The following BFSP2 variants were observed in gnomAD, a reference collection of about 807,000 sequenced individuals.
BFSP2 encodes beaded filament structural protein 2.
In BFSP2, 38 loss-of-function variants were observed where a neutral mutation model predicts 44.9. That is an observed-to-expected ratio of 0.85 (90% CI 0.65 to 1.11). The LOEUF is 1.11. Among genes scored for constraint, BFSP2 ranks in the 50% least tolerant of loss-of-function variants. The pLI is 0.00. For synonymous variants in BFSP2, 197 were observed against 209.9 expected (o/e 0.94, Z 0.53); for missense variants, 525 against 533.0 (o/e 0.99, Z 0.15).
intron 1 of BFSP2, among the ~76,000 whole-genome samples, chr3:133,446,368 C>A (rs535718161): frequency 1.3e-5 from 2 of 151,590 alleles, no homozygotes; most frequent in African/African-American, 4.8e-5. Flanking sequence ...TTGCAGTGAG[C>A]AGATATTGTG....
chr3:133,427,572 G>T (rs2073665744), intron 1 of BFSP2, among the ~76,000 whole-genome samples: 1 of 152,180 alleles, frequency 6.6e-6, no homozygotes, highest in Middle Eastern at 3.2e-3. Flanking sequence ...CCACCTCCCT[G>T]CTCCTCAGCC....
rs185863253 is a variant in BFSP2, at chr3:133,440,104, G to T, written c.490-7213G>T. ...GGCAGAAGGCAAAGGAGGAGCAAAG[G>T]CACATCTTACATGGTGGCAGGCAAG... On this transcript the variant is annotated intron_variant, in intron 1 of 6. Coordinates refer to ENST00000302334, the MANE Select transcript of BFSP2 (RefSeq NM_003571.4). Among the ~76,000 whole-genome samples, 39 of 152,292 alleles carry T rather than the reference G, an allele frequency of 2.6e-4. 1 individual carries two copies. Among genetic ancestry groups the T allele is most frequent in the East Asian group, 2.5e-3 (13 of 5,190 alleles).
At chr3:133,459,837 G>C (rs1011485987) in intron 4 of BFSP2, among the ~76,000 whole-genome samples, 1 of 152,214 alleles carries the variant, frequency 6.6e-6, no homozygotes, top group African/African-American at 2.4e-5. Flanking sequence ...AATAACGATA[G>C]CTGATCCTCT....
intron 1 of BFSP2, among the ~76,000 whole-genome samples, chr3:133,424,212 A>ATTTTTTTTT (rs112772093): frequency 6.2e-5 from 4 of 64,772 alleles, no homozygotes; most frequent in East Asian, 1.1e-3. Context: ...CGTCCAGCTA[A>ATTTTTTTTT]TTTTTTTTTT....
chr3:133,474,756 T>C (rs2074199182), intron 6 of BFSP2, among the ~76,000 whole-genome samples: 1 of 152,202 alleles, frequency 6.6e-6, no homozygotes, highest in Non-Finnish European at 1.5e-5. Flanking sequence ...ATGATCCGTG[T>C]TTTAGAGACA....
chr3:133,444,808 G>C (rs1258659613), intron 1 of BFSP2, among the ~76,000 whole-genome samples: 1 of 151,766 alleles, frequency 6.6e-6, no homozygotes, highest in Non-Finnish European at 1.5e-5. Flanking sequence ...TAATAAAATG[G>C]GCTCCCTGGA....
chr3:133,433,469 A>G lies in BFSP2; in HGVS notation c.490-13848A>G, dbSNP rs142944947. Among the ~76,000 whole-genome samples the G allele has an allele frequency of 7.1e-3, 1,083 of 152,132 alleles. 15 individuals are homozygous for G. Among genetic ancestry groups the G allele is most frequent in the East Asian group, 0.065 (335 of 5,166 alleles). ...TTCAGGCCCCCTCCCTTTCCTACAC[A>G]TCAAGCTCGAGGATTTGCCCCCACC... On this transcript the variant is annotated intron_variant, in intron 1 of 6. Coordinates refer to ENST00000302334, the MANE Select transcript of BFSP2 (RefSeq NM_003571.4).
At position 133,475,004 on chromosome 3, in the gene BFSP2, C is replaced by T. The variant is rs753154417; in HGVS notation, c.*32C>T. 3 of 1,613,436 alleles carry T rather than the reference C, an allele frequency of 1.9e-6. No individual in the cohort carries two copies. The highest frequency in any genetic ancestry group is 2.5e-6 in the Non-Finnish European group (3 of 1,179,476). ...AACTTCCTCTTTTTCATGAAGAAAA[C>T]ACCCTTCCTCAACAGCTGACCCAAG... On this transcript the variant is annotated 3_prime_UTR_variant, in exon 7 of 7. Transcript: ENST00000302334.
intron 1 of BFSP2, among the ~76,000 whole-genome samples, chr3:133,432,834 G>T (rs140440595): frequency 6.6e-6 from 1 of 152,056 alleles, no homozygotes; most frequent in Admixed American, 6.5e-5. Context: ...TGGTTAGCGC[G>T]GTCAGAATTC....
chr3:133,440,213 G>A (rs2073831656), intron 1 of BFSP2, among the ~76,000 whole-genome samples: 1 of 62,602 alleles, frequency 1.6e-5, no homozygotes, highest in Non-Finnish European at 3.5e-5. Context: ...AATAGCACGG[G>A]AAAACCTACC....
intron 4 of BFSP2, among the ~76,000 whole-genome samples, chr3:133,463,166 G>A (rs1342910368): frequency 2.0e-5 from 3 of 151,982 alleles, no homozygotes; most frequent in East Asian, 1.9e-4. Flanking sequence ...AAAATTAGCC[G>A]GGCATGGTGG....
chr3:133,436,916 C>G (rs1480942323), intron 1 of BFSP2, among the ~76,000 whole-genome samples: 1 of 148,594 alleles, frequency 6.7e-6, no homozygotes, highest in African/African-American at 2.5e-5. Context: ...TCATCCATGT[C>G]CCTACAAAGG....
At chr3:133,437,956 C>T (rs1234858883) in intron 1 of BFSP2, among the ~76,000 whole-genome samples, 2 of 152,208 alleles carry the variant, frequency 1.3e-5, no homozygotes, top group Non-Finnish European at 2.9e-5. Context: ...AGCAGAGTAG[C>T]ATAGTAATTA....
chr3:133,472,504 A>C lies in BFSP2; in HGVS notation c.1183A>C (p.Lys395Gln), dbSNP rs557279383. ...GGAGCGCGCGCATCTGCTGGCCCGC[A>C]AGTGCCAGCTGCAGAAGGACGTGGC... Reference protein sequence around the residue: ...QQERAHLLARKCQLQKDVASY... With the variant: ...QQERAHLLARQCQLQKDVASY... Residue 395 changes from lysine to glutamine, a missense_variant, in exon 6 of 7, where the codon AAG (lysine) becomes CAG (glutamine). Transcript: ENST00000302334. The C allele has an allele frequency of 1.2e-6, 2 of 1,613,136 alleles. No homozygotes were observed. Among genetic ancestry groups the C allele is most frequent in the South Asian group, 2.2e-5 (2 of 91,032 alleles).
chr3:133,405,774 A>G lies in BFSP2; in HGVS notation c.489+5202A>G, dbSNP rs1467036139. ...TGTCAGCCAAGCTATAAGGGACACTACAGTATGGTTAGAAATGTAGCTACC... is the reference window on the plus strand; with the variant it reads ...TGTCAGCCAAGCTATAAGGGACACTGCAGTATGGTTAGAAATGTAGCTACC... On this transcript the variant is annotated intron_variant, in intron 1 of 6. Transcript: ENST00000302334. Among the ~76,000 whole-genome samples the G allele has an allele frequency of 2.0e-5, 3 of 152,194 alleles. No homozygotes were observed. In the East Asian group the frequency reaches 5.8e-4, roughly 29 times the overall value.
Position 133,475,158 on chromosome 3 carries a change from G to C in BFSP2, c.*186G>C. 1 of 789,914 alleles carries C rather than the reference G, an allele frequency of 1.3e-6. No homozygotes were observed. Among genetic ancestry groups the C allele is most frequent in the South Asian group, 1.6e-5 (1 of 63,594 alleles). 48.9% of individuals were successfully genotyped at this position (789,914 alleles called of 1,614,324 possible). A position where few individuals can be genotyped will look rare whatever the true frequency, so the allele number is the denominator to read the frequency against. Reference sequence around the variant, plus strand: ...CTTTAATCTGAGTAGTCTGTAGCTTGAGCAATCTCCCTTGTCCTCCTTCAA... The same window carrying C: ...CTTTAATCTGAGTAGTCTGTAGCTTCAGCAATCTCCCTTGTCCTCCTTCAA... On this transcript the variant is annotated 3_prime_UTR_variant, in exon 7 of 7. Transcript: ENST00000302334.
At chr3:133,449,147 A>G (rs2073932733) in intron 3 of BFSP2, 1 of 158,068 alleles carries the variant, frequency 6.3e-6, no homozygotes, top group South Asian at 1.9e-4. Flanking sequence ...CCTCACACAT[A>G]TTACTGTCTG....
Position 133,422,092 on chromosome 3 carries a change from C to A in BFSP2, c.489+21520C>A, listed in dbSNP as rs180918137. 3.5e-5 allele frequency among the ~76,000 whole-genome samples: 4 copies of A among 115,560 alleles called. No homozygotes were observed. The East Asian group carries it at 1.0e-3, about 30-fold the overall frequency. The allele number at this position is 115,560 out of a possible 152,430, so 75.8% of individuals were successfully genotyped here. ...ACTGCACTCCAGCCTGGCAACAAAG[C>A]GAGACTCCATCTCAAAAAAAAAAAA... On this transcript the variant is annotated intron_variant, in intron 1 of 6. Transcript: ENST00000302334.
chr3:133,435,317 A>G (rs978366778), intron 1 of BFSP2, among the ~76,000 whole-genome samples: 1 of 152,178 alleles, frequency 6.6e-6, no homozygotes, highest in Non-Finnish European at 1.5e-5. Flanking sequence ...TTTGCCCTCC[A>G]GAAAGTCAAC....
Sources: allele counts gnomAD v4.1 joint callset (sites outside exome capture counted in the v4.1 genomes callset), GRCh38; gene constraint gnomAD v4.1.1; transcripts MANE v1.5; gene names NCBI Gene and HGNC (gene_info 2026-07-23, HGNC 2026-07-21).